Variants in NELL1 observed in about 807,000 individuals in gnomAD.
NELL1 encodes protein kinase C-binding protein NELL1.
Under a neutral mutation model 107.4 loss-of-function variants are expected in NELL1, and 76 were observed. The ratio of observed to expected loss-of-function variants is 0.71; its 90% confidence interval spans 0.59 to 0.86. NELL1 has a LOEUF of 0.86. Among genes scored for constraint, NELL1 ranks in the 40% least tolerant of loss-of-function variants. The probability of loss-of-function intolerance (pLI) is 0.00; values close to 1 mark genes in which losing one functional copy is unlikely to be tolerated. For missense variants in NELL1, 1,024 were observed against 1,005.5 expected (o/e 1.02, Z -0.25); for synonymous variants, 353 against 341.2 (o/e 1.03, Z -0.38).
chr11:21,465,945 A>T (rs4533034), intron 15 of NELL1, among the ~76,000 whole-genome samples: 34 of 151,988 alleles, frequency 2.2e-4, no homozygotes, highest in Non-Finnish European at 3.7e-4. Context: ...CTTGCCTTGA[A>T]GCTATACACA....
At chr11:21,486,005 C>T (rs4397847) in intron 15 of NELL1, among the ~76,000 whole-genome samples, 133,301 of 151,996 alleles carry the variant, frequency 0.88, 58,503 homozygotes, top group East Asian at 0.97. Flanking sequence ...TCACAGCCAC[C>T]GCCAACATCA....
chr11:21,153,585 A>G (rs1434776380), intron 13 of NELL1, among the ~76,000 whole-genome samples: 1 of 152,154 alleles, frequency 6.6e-6, no homozygotes, highest in Non-Finnish European at 1.5e-5. Context: ...AGGGAAAGGA[A>G]GGGCACTTAT....
At chr11:20,903,448 A>T (rs190692121) in intron 5 of NELL1, among the ~76,000 whole-genome samples, 67 of 152,210 alleles carry the variant, frequency 4.4e-4, no homozygotes, top group Non-Finnish European at 7.5e-4. Flanking sequence ...CTCATTGAGA[A>T]TCTGAACAGT....
At chr11:21,274,689 A>T (rs1412122347) in intron 14 of NELL1, among the ~76,000 whole-genome samples, 3 of 152,218 alleles carry the variant, frequency 2.0e-5, no homozygotes, top group Admixed American at 2.0e-4. Context: ...CAAAAATTAT[A>T]ACAAACTGTC....
At chr11:21,109,142 G>A (rs368645543) in intron 12 of NELL1, among the ~76,000 whole-genome samples, 67 of 152,158 alleles carry the variant, frequency 4.4e-4, no homozygotes, top group East Asian at 2.5e-3. Flanking sequence ...TACCTACCAC[G>A]AGGAGTCAAG....
At chr11:20,943,440 G>A (rs942087563) in intron 10 of NELL1, among the ~76,000 whole-genome samples, 15 of 151,970 alleles carry the variant, frequency 9.9e-5, no homozygotes, top group South Asian at 2.1e-4. Flanking sequence ...AAAATTAGCC[G>A]GGCATGGTGG....
At chr11:20,891,990 G>C (rs1053164278) in intron 5 of NELL1, among the ~76,000 whole-genome samples, 9 of 152,132 alleles carry the variant, frequency 5.9e-5, no homozygotes, top group African/African-American at 2.2e-4. Context: ...TTCAGGACTT[G>C]AACTCCGCTT....
At chr11:21,493,983 A>G (rs925371188) in intron 15 of NELL1, among the ~76,000 whole-genome samples, 32 of 152,006 alleles carry the variant, frequency 2.1e-4, no homozygotes, top group African/African-American at 7.5e-4. Flanking sequence ...TCTCAGCACA[A>G]ACAACACCCC....
At chr11:21,040,690 A>T (rs960578632) in intron 12 of NELL1, among the ~76,000 whole-genome samples, 3 of 152,330 alleles carry the variant, frequency 2.0e-5, no homozygotes, top group Non-Finnish European at 4.4e-5. Flanking sequence ...GATTAAAAAG[A>T]CCAGAATGAG....
chr11:21,039,417 C>T (rs1203636078), intron 12 of NELL1, among the ~76,000 whole-genome samples: 1 of 152,106 alleles, frequency 6.6e-6, no homozygotes, highest in African/African-American at 2.4e-5. Flanking sequence ...AACTCCTGAC[C>T]TCAGGTGATC....
intron 15 of NELL1, among the ~76,000 whole-genome samples, chr11:21,422,092 CATATGT>C (rs1434838836): frequency 1.3e-3 from 66 of 50,078 alleles, no homozygotes; most frequent in East Asian, 0.013. Flanking sequence ...GACATTTACA[CATATGT>C]GTGTGTGTGT....
At chr11:20,680,414 C>T (rs1424580291) in intron 2 of NELL1, among the ~76,000 whole-genome samples, 1 of 151,590 alleles carries the variant, frequency 6.6e-6, no homozygotes, top group Non-Finnish European at 1.5e-5. Context: ...AAAAATTCTA[C>T]ATCTCATTAA....
chr11:20,836,757 A>G (rs890744830), intron 3 of NELL1, among the ~76,000 whole-genome samples: 3 of 152,094 alleles, frequency 2.0e-5, no homozygotes, highest in African/African-American at 7.2e-5. Context: ...AAAAAGATTA[A>G]AAAAAGATAA....
intron 15 of NELL1, among the ~76,000 whole-genome samples, chr11:21,529,557 G>C (rs979571568): frequency 9.1e-6 from 1 of 110,258 alleles, no homozygotes; most frequent in African/African-American, 3.9e-5. Flanking sequence ...AAGTTTTTTG[G>C]TGACCAAGAG....
At chr11:21,065,380 T>C (rs1387971508) in intron 12 of NELL1, among the ~76,000 whole-genome samples, 2 of 152,188 alleles carry the variant, frequency 1.3e-5, no homozygotes, top group Non-Finnish European at 2.9e-5. Flanking sequence ...TTGAACTTGC[T>C]AGAATGATTG....
intron 14 of NELL1, among the ~76,000 whole-genome samples, chr11:21,280,335 A>T (rs1204173204): frequency 6.6e-6 from 1 of 152,212 alleles, no homozygotes; most frequent in Non-Finnish European, 1.5e-5. Flanking sequence ...TTTAACAATT[A>T]TCTGTGCAAA....
In NELL1 at chr11:21,161,153, T is replaced by TCAAA. The variant is rs555656510; in HGVS notation, c.1426+47439_1426+47440insCAAA. Among the ~76,000 whole-genome samples the TCAAA allele has an allele frequency of 9.2e-4, 140 of 152,318 alleles. 2 individuals are homozygous for TCAAA. Among genetic ancestry groups the TCAAA allele is most frequent in the African/African-American group, 3.3e-3 (137 of 41,572 alleles). ...GCTCATCTCAAAGCACCTTCCACTC[T>TCAAA]GCTTTCTGACCCTCTGTGATCAAAG... On this transcript the variant is annotated intron_variant, in intron 13 of 19. Coordinates refer to ENST00000357134, the MANE Select transcript of NELL1 (RefSeq NM_006157.5).
chr11:20,788,814 C>T (rs1010074063), intron 3 of NELL1, among the ~76,000 whole-genome samples: 5 of 151,894 alleles, frequency 3.3e-5, no homozygotes, highest in Non-Finnish European at 5.9e-5. Flanking sequence ...TTAGCTCTTA[C>T]ATTTATCTCT....
chr11:20,861,343 A>T (rs1310134862), intron 4 of NELL1, among the ~76,000 whole-genome samples: 1 of 152,082 alleles, frequency 6.6e-6, no homozygotes, highest in African/African-American at 2.4e-5. Flanking sequence ...TTCACTATTG[A>T]TCTGCAGCGG....
Sources: allele counts gnomAD v4.1 joint callset (sites outside exome capture counted in the v4.1 genomes callset), GRCh38; gene constraint gnomAD v4.1.1; transcripts MANE v1.5; gene names NCBI Gene and HGNC (gene_info 2026-07-23, HGNC 2026-07-21).